FAAH2: variants seen among roughly 807,000 people sequenced by gnomAD.
The protein encoded by FAAH2 is fatty-acid amide hydrolase 2.
In FAAH2, 60 loss-of-function variants were observed where a neutral mutation model predicts 36.9. The ratio of observed to expected loss-of-function variants is 1.63; its 90% CI spans 1.32 to 2.02. The LOEUF is 2.02. Ranked by LOEUF, FAAH2 falls within the 30% of genes most tolerant of loss-of-function variation. The pLI is 0.00. For missense variants in FAAH2, 689 were observed against 397.5 expected (o/e 1.73, Z -6.23); for synonymous variants, 214 against 143.8 (o/e 1.49, Z -3.49).
At chrX:57,450,899 C>G (rs747309448) in intron 10 of FAAH2, among the ~76,000 whole-genome samples, 1 of 111,348 alleles carries the variant, frequency 9.0e-6, no homozygotes, top group African/African-American at 3.3e-5. Flanking sequence ...TAGGTAATAT[C>G]AATATCTCTG....
chrX:57,424,106 C>A (rs2147086929), intron 7 of FAAH2, among the ~76,000 whole-genome samples: 1 of 112,097 alleles, frequency 8.9e-6, no homozygotes, highest in East Asian at 2.8e-4. Context: ...ATTAAGACTA[C>A]AATTGGCATT....
chrX:57,350,288 C>A (rs1602364937), intron 5 of FAAH2, among the ~76,000 whole-genome samples: 1 of 110,348 alleles, frequency 9.1e-6, no homozygotes, highest in South Asian at 3.8e-4. Flanking sequence ...GGACATTAAC[C>A]ATTATGAAAA....
chrX:57,258,147 C>T, the FAAH2 span, among the ~76,000 whole-genome samples: 1 of 110,985 alleles, frequency 9.0e-6, no homozygotes, highest in African/African-American at 3.3e-5. Context: ...AACCTAAACT[C>T]TATGGCATAT....
chrX:57,160,574 T>G, the FAAH2 span, among the ~76,000 whole-genome samples: 1 of 111,837 alleles, frequency 8.9e-6, no homozygotes. Context: ...CTTGGGAGGG[T>G]GTATGTGTTG....
chrX:57,146,581 G>T, the FAAH2 span, among the ~76,000 whole-genome samples: 1 of 111,840 alleles, frequency 8.9e-6, no homozygotes, highest in Admixed American at 9.5e-5. Flanking sequence ...GATTGCTCTT[G>T]CTAGGACTTC....
the FAAH2 span, among the ~76,000 whole-genome samples, chrX:57,164,864 A>G: frequency 2.7e-5 from 3 of 112,142 alleles, no homozygotes; most frequent in Non-Finnish European, 3.8e-5. Flanking sequence ...CATTTTAATC[A>G]TTTTTTTGTT....
At chrX:57,407,464 G>A (rs2055594120) in intron 7 of FAAH2, among the ~76,000 whole-genome samples, 2 of 111,930 alleles carry the variant, frequency 1.8e-5, no homozygotes. Flanking sequence ...CATGGGTGAG[G>A]GGAGCAAAGT....
chrX:57,372,992 G>A (rs1243115606), intron 5 of FAAH2, among the ~76,000 whole-genome samples: 1 of 111,179 alleles, frequency 9.0e-6, no homozygotes, highest in Non-Finnish European at 1.9e-5. Flanking sequence ...TTTCATTCCT[G>A]AGTTACTTCA....
At chrX:57,398,407 C>T (rs1450554990) in intron 7 of FAAH2, among the ~76,000 whole-genome samples, 1 of 112,226 alleles carries the variant, frequency 8.9e-6, no homozygotes, top group Non-Finnish European at 1.9e-5. Flanking sequence ...CTAACAAAAT[C>T]AGGAAATGTT....
chrX:57,481,420 T>C (rs1392320981), intron 10 of FAAH2, among the ~76,000 whole-genome samples: 1 of 111,164 alleles, frequency 9.0e-6, no homozygotes, highest in Non-Finnish European at 1.9e-5. Context: ...TTGGATGGGG[T>C]TTTTGTGTGG....
chrX:57,434,677 A>T (rs968722311), intron 8 of FAAH2, among the ~76,000 whole-genome samples: 70 of 111,052 alleles, frequency 6.3e-4, no homozygotes, highest in Non-Finnish European at 1.9e-5. Flanking sequence ...GGTATTACTG[A>T]GGTAGAAAGA....
intron 5 of FAAH2, among the ~76,000 whole-genome samples, chrX:57,355,732 C>A (rs768052363): frequency 9.0e-6 from 1 of 110,994 alleles, no homozygotes; most frequent in African/African-American, 3.3e-5. Flanking sequence ...ATGCAATCTG[C>A]AGAAATAACT....
chrX:57,488,622 AATATTATTAAGTCCTAAGTAG>A, intron 10 of FAAH2, 114 bp from the exon 11 acceptor site: 1 of 602,969 alleles, frequency 1.7e-6, no homozygotes, highest in Non-Finnish European at 2.5e-6. Flanking sequence ...AAAGTTCCTA[AATATTATTAAGTCCTAAGTAG>A]ATAGTAAATT....
At chrX:57,174,023 A>G in the FAAH2 span, among the ~76,000 whole-genome samples, 10 of 110,936 alleles carry the variant, frequency 9.0e-5, no homozygotes, top group Admixed American at 8.7e-4. Context: ...ATTTGTCTGT[A>G]GTTTTCATTT....
chrX:57,345,119 C>G (rs1038988227), intron 5 of FAAH2, among the ~76,000 whole-genome samples: 1 of 76,142 alleles, frequency 1.3e-5, no homozygotes, highest in Non-Finnish European at 2.2e-5. Flanking sequence ...ATCCTCTCCT[C>G]AATTTTTTTT....
the FAAH2 span, among the ~76,000 whole-genome samples, chrX:57,152,864 C>T: frequency 9.0e-6 from 1 of 111,186 alleles, no homozygotes; most frequent in Admixed American, 9.5e-5. Flanking sequence ...GCATTGCTCA[C>T]ACTGGGAGAT....
intron 1 of FAAH2, among the ~76,000 whole-genome samples, chrX:57,287,731 C>G (rs761983305): frequency 1.8e-5 from 2 of 111,589 alleles, no homozygotes; most frequent in Admixed American, 9.5e-5. Context: ...GATTGGTTAC[C>G]TGGAGATCTT....
At chrX:57,433,941 C>A (rs1015747644) in intron 8 of FAAH2, among the ~76,000 whole-genome samples, 1 of 111,226 alleles carries the variant, frequency 9.0e-6, no homozygotes, top group Non-Finnish European at 1.9e-5. Context: ...ATGCAGAAAG[C>A]CTGAAAAAGA....
At chrX:57,249,240 C>A in the FAAH2 span, among the ~76,000 whole-genome samples, 2 of 111,616 alleles carry the variant, frequency 1.8e-5, no homozygotes, top group Non-Finnish European at 3.8e-5. Context: ...TTTCCACTAA[C>A]CCTTTACTAT....
Sources: allele counts gnomAD v4.1 joint callset (sites outside exome capture counted in the v4.1 genomes callset), GRCh38; gene constraint gnomAD v4.1.1; transcripts MANE v1.5; gene names NCBI Gene and HGNC (gene_info 2026-07-23, HGNC 2026-07-21).